The following KCNK1 variants were observed in gnomAD, a reference collection of about 807,000 sequenced individuals.
KCNK1 encodes potassium two pore domain channel subfamily K member 1.
Under a neutral mutation model 22.2 loss-of-function variants are expected in KCNK1, and 10 were observed. The ratio of observed to expected loss-of-function variants is 0.45; its 90% CI spans 0.28 to 0.76. The LOEUF is 0.76. Ranked by LOEUF, KCNK1 falls within the 30% of genes least tolerant of loss-of-function variation. The probability of loss-of-function intolerance (pLI) is 0.14; values close to 1 mark genes in which losing one functional copy is unlikely to be tolerated. For synonymous variants in KCNK1, 200 were observed against 186.4 expected, an observed-to-expected ratio of 1.07 and a Z score of -0.60; for missense variants, 378 against 421.0, an observed-to-expected ratio of 0.90 and a Z score of 0.89.
chr1:233,653,415 T>C (rs1017367912), intron 1 of KCNK1, among the ~76,000 whole-genome samples: 2 of 152,082 alleles, frequency 1.3e-5, no homozygotes, highest in Non-Finnish European at 2.9e-5. Context: ...TGGTTAATTG[T>C]TGTGTCAATT....
At chr1:233,670,472 G>A (rs1658577935) in intron 2 of KCNK1, among the ~76,000 whole-genome samples, 1 of 152,194 alleles carries the variant, frequency 6.6e-6, no homozygotes, top group African/African-American at 2.4e-5. Flanking sequence ...AAAGAAAGAG[G>A]TTTAATTGGA....
intron 1 of KCNK1, among the ~76,000 whole-genome samples, chr1:233,645,417 G>A (rs1658075414): frequency 6.6e-6 from 1 of 152,098 alleles, no homozygotes; most frequent in Non-Finnish European, 1.5e-5. Flanking sequence ...TAAATCCAAT[G>A]GGAAGTATTC....
At chr1:233,649,833 C>T (rs1571899701) in intron 1 of KCNK1, 1 of 414,792 alleles carries the variant, frequency 2.4e-6, no homozygotes, top group East Asian at 6.9e-5. Context: ...AACATTCAGA[C>T]TGTAGCAGGG....
rs1339238959 is a variant in KCNK1 at position 233,614,137 on chromosome 1, C to G, written c.-35C>G. 1.3e-6 allele frequency: 2 copies of G among 1,493,506 alleles called. No homozygotes were observed. Among genetic ancestry groups the G allele is most frequent in the South Asian group, 1.3e-5 (1 of 79,574 alleles). 92.5% of individuals were successfully genotyped at this position (1,493,506 alleles called of 1,614,324 possible). On this transcript the variant is annotated 5_prime_UTR_variant, in exon 1 of 3. Transcript: ENST00000366621. ...GGCGGCGGGCCGCGCTCCGGCCGGT[C>G]TGCGGCGTTGGCCTTGGCGGCGGCG...
chr1:233,657,537 A>T (rs1294820383), intron 1 of KCNK1, among the ~76,000 whole-genome samples: 1 of 152,150 alleles, frequency 6.6e-6, no homozygotes, highest in Non-Finnish European at 1.5e-5. Context: ...GATGATAAAG[A>T]GATTATTACA....
intron 1 of KCNK1, among the ~76,000 whole-genome samples, chr1:233,652,495 A>G (rs534612329): frequency 1.3e-5 from 2 of 152,318 alleles, no homozygotes; most frequent in Admixed American, 1.3e-4. Context: ...CTTATCTGAA[A>G]GAGCTGCTGT....
chr1:233,661,256 G>T (rs1658388369), intron 1 of KCNK1, among the ~76,000 whole-genome samples: 1 of 152,150 alleles, frequency 6.6e-6, no homozygotes, highest in Non-Finnish European at 1.5e-5. Flanking sequence ...ATTGCAAAAA[G>T]TGCAAGGTTC....
rs1245305060 is a variant in KCNK1, at chr1:233,645,129, G to A, written c.356-21466G>A. On this transcript the variant is annotated intron_variant, in intron 1 of 2. Transcript: ENST00000366621. ...GAATTGCTTGAACTCAGGAGGCAGA[G>A]GTTGCAGTGAGCGGAGATCATGCCA... Among the ~76,000 whole-genome samples the A allele has an allele frequency of 5.3e-5, 8 of 152,024 alleles. No homozygotes were observed. The East Asian group carries it at 1.5e-3, about 29-fold the overall frequency.
At chr1:233,660,344 T>C (rs1658369769) in intron 1 of KCNK1, 1 of 152,208 alleles carries the variant, frequency 6.6e-6, no homozygotes, top group South Asian at 2.1e-4. Context: ...AATAGTTAAA[T>C]AGGAAGATAA....
At chr1:233,636,897 T>C (rs908157383) in intron 1 of KCNK1, among the ~76,000 whole-genome samples, 1 of 151,856 alleles carries the variant, frequency 6.6e-6, no homozygotes, top group African/African-American at 2.4e-5. Flanking sequence ...AGAGATGGTG[T>C]TTAAGATGGT....
At chr1:233,636,696 G>A (rs1471413422) in intron 1 of KCNK1, 2 of 152,588 alleles carry the variant, frequency 1.3e-5, no homozygotes, top group Non-Finnish European at 2.9e-5. Flanking sequence ...ATCTGAACAG[G>A]GAGGAATCGG....
chr1:233,627,871 A>G (rs566115323), intron 1 of KCNK1, among the ~76,000 whole-genome samples: 3 of 152,310 alleles, frequency 2.0e-5, no homozygotes, highest in Non-Finnish European at 2.9e-5. Context: ...CTAAAGCAAT[A>G]TTTGCTCTTT....
chr1:233,619,042 G>A (rs546843536), intron 1 of KCNK1, among the ~76,000 whole-genome samples: 1 of 152,196 alleles, frequency 6.6e-6, no homozygotes, highest in Admixed American at 6.5e-5. Context: ...TTTGGAGATA[G>A]GGTCTCGCTC....
intron 1 of KCNK1, among the ~76,000 whole-genome samples, chr1:233,644,672 CCAGGGGAACAGTG>C (rs1411320845): frequency 1.6e-5 from 2 of 121,632 alleles, no homozygotes; most frequent in African/African-American, 4.7e-5. Flanking sequence ...AGGCATCAAA[CCAGGGGAACAGTG>C]AGTGCAAAGG....
At position 233,671,672 on chromosome 1, in the gene KCNK1, AAAC is replaced by A. The variant is rs1658601248; in HGVS notation, c.*148_*150del. ...CTACTGTTTGCAATGTCTTATTAAA[AAAC>A]AACAAAAAAAGACAAATGGAACAAA... is the stretch of plus-strand genomic sequence containing the variant. On this transcript the variant is annotated 3_prime_UTR_variant, in exon 3 of 3. Coordinates refer to ENST00000366621, the MANE Select transcript of KCNK1 (RefSeq NM_002245.4). 3.2e-6 allele frequency: 3 copies of A among 950,034 alleles called. No individual in the cohort carries two copies. The highest frequency in any genetic ancestry group is 1.8e-5 in the South Asian group (1 of 56,650). The allele number at this position is 950,034 out of a possible 1,614,324, so 58.9% of individuals were successfully genotyped here.
intron 1 of KCNK1, among the ~76,000 whole-genome samples, chr1:233,641,657 G>C (rs1658001837): frequency 6.6e-6 from 1 of 152,140 alleles, no homozygotes. Context: ...GGAGGAAATG[G>C]AATTTCTCCT....
At position 233,614,329 on chromosome 1, in the gene KCNK1, G is replaced by A. The variant is rs1321564586; in HGVS notation, c.158G>A (p.Arg53His). The A allele has an allele frequency of 6.2e-7, 1 of 1,611,588 alleles. No individual in the cohort carries two copies. The highest frequency in any genetic ancestry group is 1.1e-5 in the South Asian group (1 of 90,494). Residue 53 changes from arginine to histidine, a missense_variant, in exon 1 of 3, where the codon CGC becomes CAC. Arg to His is a conservative substitution (Grantham distance 29). Transcript: ENST00000366621. The stretch of plus-strand genomic sequence containing the variant: ...GAGCTGCCCTATGAGGACCTGCTGC[G>A]CCAGGAGCTGCGCAAGCTGAAGCGA... ...SVELPYEDLLRQELRKLKRRF... is the reference protein window; with the variant it reads ...SVELPYEDLLHQELRKLKRRF...
At chr1:233,655,292 A>G (rs1364500222) in intron 1 of KCNK1, among the ~76,000 whole-genome samples, 2 of 152,106 alleles carry the variant, frequency 1.3e-5, no homozygotes, top group African/African-American at 4.8e-5. Context: ...AAGCCCCTTG[A>G]CTTGTTTAAT....
Position 233,614,143 on chromosome 1 carries a change from C to T in KCNK1, c.-29C>T, listed in dbSNP as rs1216960713. The T allele has an allele frequency of 6.6e-7, 1 of 1,515,360 alleles. No homozygotes were observed. Among genetic ancestry groups the T allele is most frequent in the South Asian group, 1.2e-5 (1 of 82,548 alleles). The allele number at this position is 1,515,360 out of a possible 1,614,324, so 93.9% of individuals were successfully genotyped here. Reference sequence around the variant, plus strand: ...GGGCCGCGCTCCGGCCGGTCTGCGGCGTTGGCCTTGGCGGCGGCGGTGGAG... The same window carrying T: ...GGGCCGCGCTCCGGCCGGTCTGCGGTGTTGGCCTTGGCGGCGGCGGTGGAG... On this transcript the variant is annotated 5_prime_UTR_variant, in exon 1 of 3. Coordinates refer to ENST00000366621, the MANE Select transcript of KCNK1 (RefSeq NM_002245.4).
Sources: gnomAD v4.1 joint callset for allele counts (sites outside exome capture counted in the v4.1 genomes callset) on GRCh38, gnomAD v4.1.1 for gene constraint, MANE v1.5 for transcripts, NCBI Gene and HGNC (gene_info 2026-07-23, HGNC 2026-07-21) for gene names.